RAB2A: variants seen among roughly 807,000 people sequenced by gnomAD.
The protein encoded by RAB2A is ras-related protein Rab-2A.
A neutral mutation model predicts 32.5 loss-of-function variants in RAB2A; 7 were observed. The observed-to-expected ratio is 0.22, with a 90% CI of 0.12 to 0.40. The LOEUF is 0.40. Ranked by LOEUF, RAB2A falls within the 10% of genes least tolerant of loss-of-function variation. The probability of loss-of-function intolerance (pLI) is 1.00; values close to 1 mark genes in which losing one functional copy is unlikely to be tolerated. For synonymous variants in RAB2A, 79 were observed against 85.2 expected, an observed-to-expected ratio of 0.93 and a Z score of 0.40; for missense variants, 108 against 260.7, an observed-to-expected ratio of 0.41 and a Z score of 4.03.
chr8:60,533,885 G>T (rs565548708), intron 1 of RAB2A, among the ~76,000 whole-genome samples: 1 of 152,082 alleles, frequency 6.6e-6, no homozygotes, highest in Non-Finnish European at 1.5e-5. Context: ...CAGGAGAATC[G>T]CTTGAAGGCG....
rs948164005 is a variant in RAB2A, at chr8:60,620,872, A to G, written c.*103A>G. 2.2e-6 allele frequency: 2 copies of G among 924,236 alleles called. No homozygotes were observed. The highest frequency in any genetic ancestry group is 3.6e-5 in the South Asian group (2 of 55,970). The allele number at this position is 924,236 out of a possible 1,614,324, so 57.3% of individuals were successfully genotyped here. A position where few individuals can be genotyped will look rare whatever the true frequency, so the allele number is the denominator to read the frequency against. On this transcript the variant is annotated 3_prime_UTR_variant, in exon 8 of 8. Coordinates refer to ENST00000262646, the MANE Select transcript of RAB2A (RefSeq NM_002865.3). ...ACATGAAACTATTTGAAATGGCTTT[A>G]TGTCACAGAAGACTTTAATCCGTCA...
At chr8:60,547,873 C>T (rs2976666) in intron 1 of RAB2A, among the ~76,000 whole-genome samples, 4 of 102,998 alleles carry the variant, frequency 3.9e-5, no homozygotes, top group South Asian at 3.8e-4. Context: ...GCTGGCCGGG[C>T]GGGGGGCTGA....
chr8:60,530,986 T>G (rs976954897), intron 1 of RAB2A, among the ~76,000 whole-genome samples: 2 of 152,268 alleles, frequency 1.3e-5, no homozygotes, highest in African/African-American at 2.4e-5. Context: ...TCTGAAATTT[T>G]CTGTTTCTAA....
chr8:60,614,518 T>C (rs756517935), intron 6 of RAB2A, among the ~76,000 whole-genome samples: 1 of 152,074 alleles, frequency 6.6e-6, no homozygotes, highest in Admixed American at 6.6e-5. Flanking sequence ...TCTTTCAGAG[T>C]GCTGGGATTA....
intron 1 of RAB2A, among the ~76,000 whole-genome samples, chr8:60,532,007 G>A (rs1807484715): frequency 6.6e-6 from 1 of 152,116 alleles, no homozygotes; most frequent in South Asian, 2.1e-4. Context: ...GTTTCACCAT[G>A]TTGGTCAAGC....
At chr8:60,584,552 A>G (rs1586097678) in intron 4 of RAB2A, among the ~76,000 whole-genome samples, 171 bp from the exon 5 acceptor site, 1 of 152,378 alleles carries the variant, frequency 6.6e-6, no homozygotes, top group Middle Eastern at 3.4e-3. Flanking sequence ...TTTAATTTAT[A>G]AACTGAAATA....
At chr8:60,597,469 G>A (rs1804047850) in intron 6 of RAB2A, among the ~76,000 whole-genome samples, 1 of 152,138 alleles carries the variant, frequency 6.6e-6, no homozygotes, top group African/African-American at 2.4e-5. Flanking sequence ...GGGAAGGATA[G>A]CATTAGGAGA....
intron 6 of RAB2A, among the ~76,000 whole-genome samples, chr8:60,604,971 G>C (rs183750620): frequency 6.6e-6 from 1 of 152,304 alleles, no homozygotes; most frequent in Non-Finnish European, 1.5e-5. Flanking sequence ...TGGGGAGAAG[G>C]CCTGGAAGGC....
chr8:60,580,373 A>G (rs1159739935), intron 3 of RAB2A, among the ~76,000 whole-genome samples: 1 of 151,952 alleles, frequency 6.6e-6, no homozygotes, highest in African/African-American at 2.4e-5. Context: ...TTATGCAGTT[A>G]GTTGTTATAT....
At chr8:60,531,981 T>G (rs774823624) in intron 1 of RAB2A, among the ~76,000 whole-genome samples, 1 of 152,076 alleles carries the variant, frequency 6.6e-6, no homozygotes, top group Non-Finnish European at 1.5e-5. Flanking sequence ...TTTTTTGTAT[T>G]TTTAGTAGAG....
chr8:60,605,401 C>G (rs1320506481), intron 6 of RAB2A, among the ~76,000 whole-genome samples: 1 of 152,212 alleles, frequency 6.6e-6, no homozygotes, highest in Non-Finnish European at 1.5e-5. Context: ...CATAGAGTCC[C>G]CACTGGGGCA....
At chr8:60,536,597 C>T (rs1269445261) in intron 1 of RAB2A, among the ~76,000 whole-genome samples, 1 of 152,110 alleles carries the variant, frequency 6.6e-6, no homozygotes, top group African/African-American at 2.4e-5. Context: ...ATCTATGTGA[C>T]CTACTTGGAA....
intron 1 of RAB2A, among the ~76,000 whole-genome samples, chr8:60,534,785 T>G (rs1807532643): frequency 1.3e-5 from 2 of 152,218 alleles, no homozygotes; most frequent in Admixed American, 6.5e-5. Context: ...TGACATAGTT[T>G]AAGGGATTGC....
intron 1 of RAB2A, among the ~76,000 whole-genome samples, chr8:60,540,349 T>C (rs757134005): frequency 7.2e-5 from 11 of 152,018 alleles, no homozygotes; most frequent in Non-Finnish European, 1.3e-4. Flanking sequence ...AGGTTACAGA[T>C]GAGAGCTGGA....
At chr8:60,522,471 G>T (rs1415797874) in intron 1 of RAB2A, among the ~76,000 whole-genome samples, 2 of 152,174 alleles carry the variant, frequency 1.3e-5, no homozygotes, top group African/African-American at 2.4e-5. Context: ...GAAAGAGTTG[G>T]TGTTGGTGAA....
At chr8:60,549,481 T>C (rs1305615900) in intron 1 of RAB2A, among the ~76,000 whole-genome samples, 1 of 87,716 alleles carries the variant, frequency 1.1e-5, no homozygotes, top group East Asian at 3.8e-4. Flanking sequence ...CCACCAACCT[T>C]TTTTTTTTTT....
chr8:60,523,595 T>C (rs1259804356), intron 1 of RAB2A, among the ~76,000 whole-genome samples: 1 of 152,196 alleles, frequency 6.6e-6, no homozygotes. Context: ...TTTTGCCCAT[T>C]TTTAGATGTG....
chr8:60,596,046 G>T (rs1409019798), intron 6 of RAB2A, among the ~76,000 whole-genome samples: 1 of 152,146 alleles, frequency 6.6e-6, no homozygotes, highest in Non-Finnish European at 1.5e-5. Flanking sequence ...CCAATTTGTG[G>T]AAAATAGCTA....
In RAB2A at chr8:60,572,063, C is replaced by A. The variant is rs1166960475; in HGVS notation, c.136C>A (p.Arg46=). ...CTATTTAGGTGTAGAGTTCGGTGCT[C>A]GAATGATAACTATTGATGGGAAACA... is the stretch of plus-strand genomic sequence containing the variant. ...DLTIGVEFGA[R]MITIDGKQIK... is the part of the protein sequence containing the mutation. The change falls in exon 3 of 8, where the codon CGA becomes AGA. Residue 46 remains arginine (R), a synonymous_variant. Coordinates refer to ENST00000262646, the MANE Select transcript of RAB2A (RefSeq NM_002865.3). 1.9e-6 allele frequency: 3 copies of A among 1,607,998 alleles called. No individual in the cohort carries two copies. The South Asian group carries it at 3.3e-5, about 18-fold the overall frequency.
Sources: gnomAD v4.1 joint callset for allele counts (sites outside exome capture counted in the v4.1 genomes callset) on GRCh38, gnomAD v4.1.1 for gene constraint, MANE v1.5 for transcripts, NCBI Gene and HGNC (gene_info 2026-07-23, HGNC 2026-07-21) for gene names.